The following NLGN1 variants were observed in gnomAD, a reference collection of about 807,000 sequenced individuals.
NLGN1 encodes neuroligin 1.
Under a neutral mutation model 65.5 loss-of-function variants are expected in NLGN1, and 12 were observed. The observed-to-expected ratio is 0.18, with a 90% CI of 0.12 to 0.30. The LOEUF (loss-of-function observed/expected upper bound fraction) is 0.30, where lower values mean the gene tolerates loss of function less well. Ranked by LOEUF, NLGN1 falls within the 10% of genes least tolerant of loss-of-function variation. The pLI, the probability that NLGN1 is intolerant of heterozygous loss-of-function variation, is 1.00. For synonymous variants in NLGN1, 350 were observed against 359.5 expected, an observed-to-expected ratio of 0.97 and a Z score of 0.30; for missense variants, 750 against 1,007.1, an observed-to-expected ratio of 0.74 and a Z score of 3.46.
At chr3:173,550,646 TTG>T (rs1740681065) in intron 2 of NLGN1, among the ~76,000 whole-genome samples, 4 of 31,928 alleles carry the variant, frequency 1.3e-4, no homozygotes, top group African/African-American at 7.6e-4. Context: ...CAATGTCTTT[TTG>T]AGACCATTAG....
At chr3:173,445,825 A>C (rs557051687) in intron 2 of NLGN1, among the ~76,000 whole-genome samples, 49 of 152,312 alleles carry the variant, frequency 3.2e-4, no homozygotes, top group Middle Eastern at 6.8e-3. Context: ...CTTTAAGTTC[A>C]CACTGACCAA....
chr3:173,498,016 A>C (rs898864604), intron 2 of NLGN1, among the ~76,000 whole-genome samples: 1 of 151,722 alleles, frequency 6.6e-6, no homozygotes, highest in Non-Finnish European at 1.5e-5. Flanking sequence ...TTGTATTTGG[A>C]TGGTAAATGT....
At chr3:173,735,019 A>G (rs1424872110) in intron 3 of NLGN1, among the ~76,000 whole-genome samples, 1 of 152,134 alleles carries the variant, frequency 6.6e-6, no homozygotes, top group Non-Finnish European at 1.5e-5. Context: ...AACTTAATGC[A>G]GTATTTGTCA....
intron 4 of NLGN1, among the ~76,000 whole-genome samples, chr3:174,274,507 C>T (rs1160396861): frequency 2.6e-5 from 4 of 151,682 alleles, no homozygotes; most frequent in Non-Finnish European, 5.9e-5. Context: ...AACTCTCTCC[C>T]CTACCTCCGT....
At chr3:173,715,554 T>C (rs1320952169) in intron 3 of NLGN1, among the ~76,000 whole-genome samples, 1 of 152,190 alleles carries the variant, frequency 6.6e-6, no homozygotes, top group Non-Finnish European at 1.5e-5. Context: ...GCTATTTCTA[T>C]GTATCAGGAG....
chr3:174,036,484 A>C (rs291938), intron 4 of NLGN1, among the ~76,000 whole-genome samples: 2,606 of 152,244 alleles, frequency 0.017, 38 homozygotes, highest in South Asian at 0.037. Context: ...ATTAAGTTAC[A>C]AGCTTGGAGG....
At chr3:173,878,492 A>T (rs551450567) in intron 4 of NLGN1, among the ~76,000 whole-genome samples, 1 of 152,082 alleles carries the variant, frequency 6.6e-6, no homozygotes, top group African/African-American at 2.4e-5. Flanking sequence ...ATAATCAAGT[A>T]TCTTTTTGAA....
At chr3:174,002,339 G>A (rs1054100746) in intron 4 of NLGN1, among the ~76,000 whole-genome samples, 8 of 152,128 alleles carry the variant, frequency 5.3e-5, no homozygotes, top group African/African-American at 2.4e-5. Context: ...TGTTGGCCAG[G>A]CTGGTCTCAA....
intron 4 of NLGN1, among the ~76,000 whole-genome samples, chr3:174,009,232 C>G (rs1189830671): frequency 1.3e-5 from 2 of 152,142 alleles, no homozygotes; most frequent in Non-Finnish European, 2.9e-5. Flanking sequence ...ATTACATCAT[C>G]TAAAATTCTA....
chr3:173,808,240 T>G (rs1305810955), intron 4 of NLGN1, among the ~76,000 whole-genome samples: 1 of 152,146 alleles, frequency 6.6e-6, no homozygotes, highest in Non-Finnish European at 1.5e-5. Context: ...CTTTTGGGAA[T>G]GATTGTTTGC....
chr3:174,077,566 TTTA>T (rs1298587573), intron 4 of NLGN1, among the ~76,000 whole-genome samples: 1 of 144,594 alleles, frequency 6.9e-6, no homozygotes, highest in Non-Finnish European at 1.5e-5. Context: ...TATTTATTTA[TTTA>T]TTTTTTTTGA....
At chr3:174,120,348 A>T (rs1369506502) in intron 4 of NLGN1, among the ~76,000 whole-genome samples, 2 of 151,820 alleles carry the variant, frequency 1.3e-5, no homozygotes, top group East Asian at 3.9e-4. Flanking sequence ...TATAAATAAA[A>T]AAAAAAAAAT....
intron 2 of NLGN1, among the ~76,000 whole-genome samples, chr3:173,539,752 A>T (rs1313906950): frequency 8.8e-6 from 1 of 114,222 alleles, no homozygotes; most frequent in Non-Finnish European, 1.8e-5. Flanking sequence ...GTACATATAT[A>T]ACATATACAT....
At chr3:173,454,157 G>T (rs1420145979) in intron 2 of NLGN1, among the ~76,000 whole-genome samples, 1 of 152,186 alleles carries the variant, frequency 6.6e-6, no homozygotes, top group Non-Finnish European at 1.5e-5. Context: ...TGAACAGCAG[G>T]TCTTAACAGT....
chr3:173,968,562 A>G (rs1053532312), intron 4 of NLGN1, among the ~76,000 whole-genome samples: 1 of 152,012 alleles, frequency 6.6e-6, no homozygotes, highest in Admixed American at 6.6e-5. Context: ...TCAGAAAAAA[A>G]ATACTTTATA....
chr3:174,135,021 T>G (rs1398329009), intron 4 of NLGN1, among the ~76,000 whole-genome samples: 2 of 152,174 alleles, frequency 1.3e-5, no homozygotes, highest in East Asian at 1.9e-4. Flanking sequence ...AATTTAGTGT[T>G]CTGCCAAAGT....
At chr3:174,110,879 G>C (rs1403839728) in intron 4 of NLGN1, among the ~76,000 whole-genome samples, 2 of 151,888 alleles carry the variant, frequency 1.3e-5, no homozygotes, top group Non-Finnish European at 2.9e-5. Context: ...CACTAGATAA[G>C]AAATACGTGA....
intron 3 of NLGN1, among the ~76,000 whole-genome samples, chr3:173,783,688 C>T (rs564126481): frequency 6.6e-6 from 1 of 152,162 alleles, no homozygotes; most frequent in African/African-American, 2.4e-5. Context: ...GATTTTGGCT[C>T]ACGGCAATCT....
chr3:173,623,135 T>C (rs1370353917), intron 3 of NLGN1, among the ~76,000 whole-genome samples: 2 of 152,054 alleles, frequency 1.3e-5, no homozygotes, highest in Admixed American at 6.6e-5. Context: ...TTTAGACCCA[T>C]TCTGCCTCTA....
Sources: gnomAD v4.1 joint callset for allele counts (sites outside exome capture counted in the v4.1 genomes callset) on GRCh38, gnomAD v4.1.1 for gene constraint, MANE v1.5 for transcripts, NCBI Gene and HGNC (gene_info 2026-07-23, HGNC 2026-07-21) for gene names.